Variants in TRABD2B observed in about 807,000 individuals in gnomAD.
The protein encoded by TRABD2B is TraB domain containing 2B, also known as metalloprotease TIKI2.
TRABD2B carries 14 observed loss-of-function variants against 40.1 expected under a neutral mutation model. The observed-to-expected ratio is 0.35, with a 90% CI of 0.23 to 0.55. TRABD2B has a LOEUF of 0.55. Among genes scored for constraint, TRABD2B ranks in the 20% least tolerant of loss-of-function variants. The pLI is 0.90. For synonymous variants in TRABD2B, 263 were observed against 277.0 expected (o/e 0.95, Z 0.50); for missense variants, 541 against 648.6 (o/e 0.83, Z 1.80).
At chr1:47,964,372 C>G (rs1165239028) in intron 2 of TRABD2B, among the ~76,000 whole-genome samples, 1 of 152,316 alleles carries the variant, frequency 6.6e-6, no homozygotes, top group African/African-American at 2.4e-5. Flanking sequence ...CACCAATAGA[C>G]TTGCTGAGGA....
At chr1:47,841,020 C>T (rs540850636) in intron 2 of TRABD2B, among the ~76,000 whole-genome samples, 64 of 152,138 alleles carry the variant, frequency 4.2e-4, no homozygotes, top group Non-Finnish European at 8.2e-4. Context: ...CTACCTCCTG[C>T]GTGGAGTGCT....
intron 2 of TRABD2B, among the ~76,000 whole-genome samples, chr1:47,964,126 A>G (rs932137945): frequency 6.6e-6 from 1 of 152,208 alleles, no homozygotes; most frequent in Non-Finnish European, 1.5e-5. Context: ...TTGTCCATGG[A>G]AAGTTTCCCT....
chr1:47,976,036 C>G (rs1645751351), intron 2 of TRABD2B, among the ~76,000 whole-genome samples: 2 of 152,162 alleles, frequency 1.3e-5, no homozygotes, highest in African/African-American at 4.8e-5. Context: ...AAAAGACCTT[C>G]CAGACCTTCA....
At chr1:47,923,915 T>TACACACACACACACACAC (rs60288001) in intron 2 of TRABD2B, among the ~76,000 whole-genome samples, 3 of 132,516 alleles carry the variant, frequency 2.3e-5, no homozygotes, top group East Asian at 2.2e-4. Context: ...CATACACACA[T>TACACACACACACACACAC]ACACACACAC....
intron 3 of TRABD2B, among the ~76,000 whole-genome samples, chr1:47,798,234 G>T (rs757843378): frequency 6.6e-6 from 1 of 152,216 alleles, no homozygotes; most frequent in African/African-American, 2.4e-5. Flanking sequence ...GGGTAACTAC[G>T]TGTCTTGGTT....
At chr1:47,941,001 C>T (rs1645179329) in intron 2 of TRABD2B, among the ~76,000 whole-genome samples, 1 of 152,156 alleles carries the variant, frequency 6.6e-6, no homozygotes, top group Admixed American at 6.5e-5. Context: ...CCACACTTAC[C>T]CACTCCCGAC....
chr1:47,996,797 G>C lies in TRABD2B; in HGVS notation c.-8C>G. The C allele has an allele frequency of 1.7e-6, 2 of 1,191,800 alleles. No homozygotes were observed. The highest frequency in any genetic ancestry group is 2.1e-6 in the Non-Finnish European group (2 of 962,024). The allele number at this position is 1,191,800 out of a possible 1,614,324, so 73.8% of individuals were successfully genotyped here. On this transcript the variant is annotated 5_prime_UTR_variant, in exon 1 of 7. Transcript: ENST00000606738. This position sits in a 1 kb window ranked among gnomAD's most constrained non-coding sequence, Gnocchi z 4.6. Reference sequence around the variant, plus strand: ...CGCCAGGGCGGCGTGCATCCTGCCAGGGCCCGCGGGGCGCGGGGGACCCTC... The same window carrying C: ...CGCCAGGGCGGCGTGCATCCTGCCACGGCCCGCGGGGCGCGGGGGACCCTC...
chr1:47,845,500 G>A (rs1450346414), intron 2 of TRABD2B, among the ~76,000 whole-genome samples: 2 of 152,320 alleles, frequency 1.3e-5, no homozygotes, highest in South Asian at 2.1e-4. Context: ...GAGGCACAGA[G>A]AGGTAAAGTA....
At chr1:47,829,306 A>AC (rs1221247363) in intron 2 of TRABD2B, among the ~76,000 whole-genome samples, 1 of 151,816 alleles carries the variant, frequency 6.6e-6, no homozygotes, top group Non-Finnish European at 1.5e-5. Flanking sequence ...GGCTTCACTT[A>AC]CCCCCACTCC....
At chr1:47,881,683 G>A (rs1644306101) in intron 2 of TRABD2B, among the ~76,000 whole-genome samples, 1 of 152,184 alleles carries the variant, frequency 6.6e-6, no homozygotes, top group African/African-American at 2.4e-5. Context: ...GTGCTTGGGT[G>A]ACTGTGTTCT....
intron 2 of TRABD2B, among the ~76,000 whole-genome samples, chr1:47,950,372 T>G (rs1183533141): frequency 3.3e-5 from 5 of 152,122 alleles, no homozygotes; most frequent in Non-Finnish European, 5.9e-5. Context: ...GCAAATCTAA[T>G]GGACCCTTTA....
intron 2 of TRABD2B, among the ~76,000 whole-genome samples, chr1:47,972,055 A>G (rs541306921): frequency 6.6e-6 from 1 of 152,320 alleles, no homozygotes; most frequent in South Asian, 2.1e-4. Context: ...CAAGCATGCA[A>G]CTAACTGAGA....
chr1:47,970,140 G>A (rs1645660658), intron 2 of TRABD2B, among the ~76,000 whole-genome samples: 1 of 151,988 alleles, frequency 6.6e-6, no homozygotes, highest in Admixed American at 6.6e-5. Context: ...TGTTTTCCAA[G>A]TCCTTGTTAT....
Position 47,828,881 on chromosome 1 carries a change from T to TG in TRABD2B, c.667-27263dup, listed in dbSNP as rs369681770. Among the ~76,000 whole-genome samples, 191 of 152,328 alleles carry TG rather than the reference T, an allele frequency of 1.3e-3. 2 individuals are homozygous for TG. The highest frequency in any genetic ancestry group is 4.3e-3 in the African/African-American group (180 of 41,586). On this transcript the variant is annotated intron_variant, in intron 2 of 6. Coordinates refer to ENST00000606738, the MANE Select transcript of TRABD2B (RefSeq NM_001194986.2). Reference sequence around the variant, plus strand: ...CACACAGGTGGCAGAGGCAGGGCTATGACCCAGCCCCCTTCCCCACGAGCC... The same window carrying TG: ...CACACAGGTGGCAGAGGCAGGGCTATGGACCCAGCCCCCTTCCCCACGAGCC...
chr1:47,864,563 A>G (rs1479397461), intron 2 of TRABD2B, among the ~76,000 whole-genome samples: 1 of 152,140 alleles, frequency 6.6e-6, no homozygotes, highest in Admixed American at 6.5e-5. Flanking sequence ...CATTCTTGTG[A>G]TATCTGTGGC....
At chr1:47,814,264 G>A (rs943290502) in intron 2 of TRABD2B, among the ~76,000 whole-genome samples, 5 of 152,248 alleles carry the variant, frequency 3.3e-5, no homozygotes, top group African/African-American at 7.2e-5. Flanking sequence ...CCAGAGCAGG[G>A]AGTCGAGGTG....
In TRABD2B at chr1:47,765,068, T is replaced by G. The variant is rs1644286408; in HGVS notation, c.*834A>C. 1.3e-5 allele frequency: 2 copies of G among 152,250 alleles called. No individual in the cohort carries two copies. The highest frequency in any genetic ancestry group is 2.4e-5 in the African/African-American group (1 of 41,436). The allele number at this position is 152,250 out of a possible 1,614,324, so 9.4% of individuals were successfully genotyped here. A position where few individuals can be genotyped will look rare whatever the true frequency, so the allele number is the denominator to read the frequency against. ...CCAGCTCAATCCATTTAGCCAGGAC[T>G]TCAACAGCCTCTCCTTTAACCCAAG... is the stretch of plus-strand genomic sequence containing the variant. On this transcript the variant is annotated 3_prime_UTR_variant, in exon 7 of 7. Transcript: ENST00000606738.
At chr1:47,850,087 G>C (rs1021792572) in intron 2 of TRABD2B, among the ~76,000 whole-genome samples, 4 of 152,252 alleles carry the variant, frequency 2.6e-5, no homozygotes, top group African/African-American at 9.6e-5. Context: ...ACCCTCAGCT[G>C]GGAGGTGGCT....
intron 4 of TRABD2B, among the ~76,000 whole-genome samples, chr1:47,786,687 C>T (rs1644599874): frequency 1.3e-5 from 2 of 152,098 alleles, no homozygotes; most frequent in Non-Finnish European, 2.9e-5. Context: ...AGGATAGCAG[C>T]TGTTATTTTT....
Sources: gnomAD v4.1 joint callset for allele counts (sites outside exome capture counted in the v4.1 genomes callset) on GRCh38, gnomAD v4.1.1 for gene constraint, Gnocchi (gnomAD v3.1) non-coding constraint, MANE v1.5 for transcripts, NCBI Gene and HGNC (gene_info 2026-07-23, HGNC 2026-07-21) for gene names.